The following SNX29 variants were observed in gnomAD, a reference collection of about 807,000 sequenced individuals.
The protein encoded by SNX29 is sorting nexin 29, also known as sorting nexin-29.
In SNX29, 78 loss-of-function variants were observed where a neutral mutation model predicts 102.1. That is an observed-to-expected ratio of 0.76 (90% CI 0.64 to 0.92). The LOEUF is 0.92. SNX29 is among the 40% of genes least tolerant of loss of function. The probability of loss-of-function intolerance (pLI) is 0.00; values close to 1 mark genes in which losing one functional copy is unlikely to be tolerated. For synonymous variants in SNX29, 580 were observed against 414.5 expected, an observed-to-expected ratio of 1.40 and a Z score of -4.85; for missense variants, 1,280 against 1,061.7, an observed-to-expected ratio of 1.21 and a Z score of -2.86.
At chr16:12,171,141 C>T (rs1455342393) in intron 13 of SNX29, among the ~76,000 whole-genome samples, 1 of 152,118 alleles carries the variant, frequency 6.6e-6, no homozygotes, top group Non-Finnish European at 1.5e-5. Context: ...ACCCTCCTGC[C>T]TGGTTGACAC....
intron 18 of SNX29, among the ~76,000 whole-genome samples, chr16:12,439,347 T>C (rs1482152184): frequency 6.6e-6 from 1 of 152,150 alleles, no homozygotes; most frequent in Non-Finnish European, 1.5e-5. Context: ...GATTTTCCGG[T>C]GTGGAGTCAG....
intron 20 of SNX29, among the ~76,000 whole-genome samples, chr16:12,540,486 G>C (rs76423576): frequency 2.0e-5 from 3 of 152,242 alleles, no homozygotes; most frequent in Admixed American, 6.5e-5. Flanking sequence ...TCAAGGTGTC[G>C]GCAGGGCTGG....
intron 20 of SNX29, among the ~76,000 whole-genome samples, chr16:12,545,065 C>T (rs187085749): frequency 1.3e-5 from 2 of 152,258 alleles, no homozygotes; most frequent in Admixed American, 6.5e-5. Flanking sequence ...GTAGCATAGC[C>T]ACGAAATGCA....
rs1237197771 is a variant in SNX29 at position 12,078,819 on chromosome 16, C to T, written c.1320-14C>T. 1.2e-5 allele frequency: 19 copies of T among 1,591,260 alleles called. No homozygotes were observed. In the Admixed American group the frequency reaches 3.4e-4, roughly 28 times the overall value. ...GTGGCCGAGTGTAACTTCCTCCTGCCTGCTTTTTCCTAGTGTGGAAGCCAG... is the reference window on the plus strand; with the variant it reads ...GTGGCCGAGTGTAACTTCCTCCTGCTTGCTTTTTCCTAGTGTGGAAGCCAG... On this transcript the variant is annotated splice_polypyrimidine_tract_variant and intron_variant, in intron 10 of 20. Transcript: ENST00000566228.
At chr16:12,022,189 A>T (rs1233183801) in intron 3 of SNX29, among the ~76,000 whole-genome samples, 1 of 138,564 alleles carries the variant, frequency 7.2e-6, no homozygotes, top group Admixed American at 7.4e-5. Flanking sequence ...TTTTCAATTC[A>T]GTGATTTTTG....
rs999418403 is a variant in SNX29 at position 12,573,971 on chromosome 16, G to C, written c.*5342G>C. 5.0e-6 allele frequency: 1 copy of C among 199,226 alleles called. No individual in the cohort carries two copies. Among genetic ancestry groups the C allele is most frequent in the African/African-American group, 2.3e-5 (1 of 43,474 alleles). 12.3% of individuals were successfully genotyped at this position (199,226 alleles called of 1,614,324 possible). On this transcript the variant is annotated 3_prime_UTR_variant, in exon 21 of 21. Transcript: ENST00000566228. The stretch of plus-strand genomic sequence containing the variant: ...TGGAGGAGCGATGGTAACCCCACTA[G>C]GGGGCGCCCATGATCGGCTCCCAGT...
chr16:12,400,545 A>AC (rs1234894078), intron 17 of SNX29, among the ~76,000 whole-genome samples: 13 of 151,804 alleles, frequency 8.6e-5, no homozygotes, highest in Admixed American at 5.9e-4. Context: ...AACTTGGCCA[A>AC]CTCTAAATAT....
At chr16:12,417,534 C>A (rs897194402) in intron 18 of SNX29, among the ~76,000 whole-genome samples, 2 of 152,140 alleles carry the variant, frequency 1.3e-5, no homozygotes, top group African/African-American at 4.8e-5. Context: ...CTACATCCCT[C>A]CCCTGGTCTT....
At chr16:12,079,146 T>G (rs570941964) in intron 11 of SNX29, among the ~76,000 whole-genome samples, 1 of 152,372 alleles carries the variant, frequency 6.6e-6, no homozygotes, top group African/African-American at 2.4e-5. Flanking sequence ...GGAGCAGCCT[T>G]GCCGTAGACT....
Position 12,569,118 on chromosome 16 carries a change from TTTGCGGGGGG to T in SNX29, c.*490_*499del, listed in dbSNP as rs1567226253. The T allele has an allele frequency of 4.7e-5, 1 of 21,382 alleles. No homozygotes were observed. The allele number at this position is 21,382 out of a possible 1,614,324, so 1.3% of individuals were successfully genotyped here. A position where few individuals can be genotyped will look rare whatever the true frequency, so the allele number is the denominator to read the frequency against. ...CTGGCCTAACCTAGGGATGGCTGGCTTTGCGGGGGGGGGGGGGGGGGGGGGCATGGTTCCT... is the reference window on the plus strand; with the variant it reads ...CTGGCCTAACCTAGGGATGGCTGGCTGGGGGGGGGGGGGGGCATGGTTCCT... On this transcript the variant is annotated 3_prime_UTR_variant, in exon 21 of 21. Transcript: ENST00000566228.
chr16:12,526,638 A>T (rs919292211), intron 20 of SNX29: 3 of 529,132 alleles, frequency 5.7e-6, no homozygotes, highest in African/African-American at 1.9e-5. Flanking sequence ...CCCAGGGTGC[A>T]CGGGGGAATT....
At chr16:12,046,178 G>T (rs1033306963) in intron 5 of SNX29, among the ~76,000 whole-genome samples, 1 of 152,168 alleles carries the variant, frequency 6.6e-6, no homozygotes, top group Non-Finnish European at 1.5e-5. Flanking sequence ...TCGGCAGGGG[G>T]ACCAGTGAGG....
At chr16:12,485,506 C>T (rs1243615027) in intron 19 of SNX29, among the ~76,000 whole-genome samples, 5 of 152,130 alleles carry the variant, frequency 3.3e-5, no homozygotes, top group Admixed American at 2.0e-4. Context: ...CACATACACC[C>T]GTGTGTGGTA....
At chr16:11,991,770 C>T (rs1466530907) in intron 1 of SNX29, among the ~76,000 whole-genome samples, 1 of 144,188 alleles carries the variant, frequency 6.9e-6, no homozygotes, top group African/African-American at 2.6e-5. Context: ...CCAGGCTGGT[C>T]TCAAACTCCT....
At chr16:12,468,352 A>T (rs1449166341) in intron 18 of SNX29, among the ~76,000 whole-genome samples, 2 of 151,464 alleles carry the variant, frequency 1.3e-5, no homozygotes. Context: ...TTTTTGTATT[A>T]TTAGTAGAGA....
intron 18 of SNX29, among the ~76,000 whole-genome samples, chr16:12,447,559 G>A (rs1197015242): frequency 1.3e-5 from 2 of 152,218 alleles, no homozygotes; most frequent in South Asian, 2.1e-4. Flanking sequence ...AGAAGACAGT[G>A]TAAACCAGCA....
At chr16:12,548,229 T>C (rs1341369149) in intron 20 of SNX29, among the ~76,000 whole-genome samples, 1 of 152,170 alleles carries the variant, frequency 6.6e-6, no homozygotes, top group Admixed American at 6.5e-5. Flanking sequence ...CCTGCCACAG[T>C]GTTAGGTTAC....
chr16:12,546,516 T>G (rs2077615301), intron 20 of SNX29: 1 of 152,174 alleles, frequency 6.6e-6, no homozygotes, highest in Non-Finnish European at 1.5e-5. Context: ...TGTGATTCAA[T>G]TATCTCCCAA....
chr16:12,531,777 C>T (rs991009862), intron 20 of SNX29, among the ~76,000 whole-genome samples: 2 of 152,136 alleles, frequency 1.3e-5, no homozygotes, highest in Non-Finnish European at 2.9e-5. Flanking sequence ...CTACGTGCAT[C>T]CTGAAGGCAG....
Sources: allele counts gnomAD v4.1 joint callset (sites outside exome capture counted in the v4.1 genomes callset), GRCh38; gene constraint gnomAD v4.1.1; transcripts MANE v1.5; gene names NCBI Gene and HGNC (gene_info 2026-07-23, HGNC 2026-07-21).